Variants in AGBL3 observed in about 807,000 individuals in gnomAD.
The protein encoded by AGBL3 is cytosolic carboxypeptidase 3.
AGBL3 carries 68 observed loss-of-function variants against 94.5 expected under a neutral mutation model. The ratio of observed to expected loss-of-function variants is 0.72; its 90% CI spans 0.59 to 0.88. The LOEUF is 0.88. AGBL3 is among the 40% of genes least tolerant of loss of function. AGBL3 has a pLI of 0.00. For missense variants in AGBL3, 934 were observed against 1,103.8 expected, an observed-to-expected ratio of 0.85 and a Z score of 2.18; for synonymous variants, 354 against 370.7, an observed-to-expected ratio of 0.95 and a Z score of 0.52.
chr7:135,071,485 C>T (rs888675664), intron 12 of AGBL3, among the ~76,000 whole-genome samples: 2 of 152,026 alleles, frequency 1.3e-5, no homozygotes, highest in Admixed American at 6.6e-5. Context: ...CAAAGCTGGA[C>T]GCATCACACT....
intron 16 of AGBL3, chr7:135,128,639 C>G (rs1828293368): frequency 1.1e-6 from 1 of 878,796 alleles, no homozygotes; most frequent in Admixed American, 1.8e-5. Context: ...TCCCGTTTGC[C>G]TGGATGCAAT....
chr7:135,126,286 T>C (rs1322605087), intron 16 of AGBL3, among the ~76,000 whole-genome samples: 3 of 152,126 alleles, frequency 2.0e-5, no homozygotes, highest in Admixed American at 6.6e-5. Flanking sequence ...TGAACTCCCA[T>C]TCACGATTGC....
intron 4 of AGBL3, among the ~76,000 whole-genome samples, chr7:135,016,718 G>A (rs538185659): frequency 4.6e-5 from 7 of 152,266 alleles, no homozygotes; most frequent in African/African-American, 9.6e-5. Context: ...ATAAAAGGTA[G>A]AGTAAGATTT....
rs1409089874 is a variant in AGBL3 at position 135,096,580 on chromosome 7, G to C, written c.2110+14790G>C. On this transcript the variant is annotated intron_variant, in intron 15 of 16. Coordinates refer to ENST00000436302, the MANE Select transcript of AGBL3 (RefSeq NM_178563.4). ...AGAAAGATAGATAGATAGATAGATAGATACATAGATAGATAGATAGATAGA... is the reference window on the plus strand; with the variant it reads ...AGAAAGATAGATAGATAGATAGATACATACATAGATAGATAGATAGATAGA... Among the ~76,000 whole-genome samples the C allele has an allele frequency of 3.1e-4, 10 of 32,314 alleles. 1 individual carries two copies. The highest frequency in any genetic ancestry group is 7.8e-4 in the East Asian group (2 of 2,570). The allele number at this position is 32,314 out of a possible 152,430, so 21.2% of individuals were successfully genotyped here. A position where few individuals can be genotyped will look rare whatever the true frequency, so the allele number is the denominator to read the frequency against.
At chr7:135,090,284 AGAGGG>A (rs1286900530) in intron 15 of AGBL3, among the ~76,000 whole-genome samples, 1 of 152,120 alleles carries the variant, frequency 6.6e-6, no homozygotes, top group East Asian at 1.9e-4. Flanking sequence ...TCTGGGCCCT[AGAGGG>A]CCCAGCAGAG....
chr7:135,014,569 T>C lies in AGBL3; in HGVS notation c.311-2483T>C, dbSNP rs567383831. ...TATCCTTACCAACTACTTAGGCTTT[T>C]ACATCTGCTATACTGATGGTTAGGA... On this transcript the variant is annotated intron_variant, in intron 4 of 16. Transcript: ENST00000436302. Among the ~76,000 whole-genome samples, 3 of 152,368 alleles carry C rather than the reference T, an allele frequency of 2.0e-5. No individual in the cohort carries two copies. The South Asian group carries it at 6.2e-4, about 32-fold the overall frequency.
rs546993775 is a variant in AGBL3, at chr7:135,123,617, G to GA, written c.2342+8012dup. The stretch of plus-strand genomic sequence containing the variant: ...CAGATTCTCTAAGGTCAAAATGAAG[G>GA]AAAAAATGTTAAGGGCAGCCAGAGA... On this transcript the variant is annotated intron_variant, in intron 16 of 16. Transcript: ENST00000436302. 2.6e-5 allele frequency among the ~76,000 whole-genome samples: 4 copies of GA among 152,156 alleles called. No homozygotes were observed. In the South Asian group the frequency reaches 6.2e-4, roughly 24 times the overall value.
chr7:135,115,274 G>T, intron 15 of AGBL3, 106 bp from the exon 16 acceptor site: 3 of 681,402 alleles, frequency 4.4e-6, no homozygotes, highest in Non-Finnish European at 4.9e-6. Flanking sequence ...ACAAGCTTCA[G>T]ATGGGCAAGG....
In AGBL3 at chr7:135,034,443, T is replaced by A. The variant is rs1188328906; in HGVS notation, c.852T>A (p.Phe284Leu). The part of the protein sequence containing the change: ...GRHYFSLTWT[F>L]QFPHNKDTCY... ...ATTATTTCTCTCTTACATGGACATT[T>A]CAATTTCCACACAACAAAGATACCT... is the stretch of plus-strand genomic sequence containing the variant. Residue 284 changes from phenylalanine to leucine, a missense_variant, in exon 7 of 17, where the codon TTT (phenylalanine) becomes TTA (leucine). This residue lies in a region of AGBL3 where 488 missense variants were observed against 563.6 expected (regional missense o/e 0.87). Coordinates refer to ENST00000436302, the MANE Select transcript of AGBL3 (RefSeq NM_178563.4). 1.9e-6 allele frequency: 3 copies of A among 1,551,630 alleles called. No homozygotes were observed. Among genetic ancestry groups the A allele is most frequent in the African/African-American group, 2.7e-5 (2 of 73,052 alleles).
At chr7:135,105,227 G>A (rs374666313) in intron 15 of AGBL3, among the ~76,000 whole-genome samples, 29 of 152,010 alleles carry the variant, frequency 1.9e-4, no homozygotes, top group South Asian at 6.2e-4. Context: ...CCACCACCAC[G>A]TCTGGCTAAT....
At chr7:135,060,863 G>A (rs1358647730) in intron 12 of AGBL3, among the ~76,000 whole-genome samples, 2 of 152,128 alleles carry the variant, frequency 1.3e-5, no homozygotes. Context: ...GACCATGGGA[G>A]TGCAATATCT....
chr7:135,013,309 T>C (rs1813382946), intron 4 of AGBL3, among the ~76,000 whole-genome samples: 1 of 152,198 alleles, frequency 6.6e-6, no homozygotes, highest in Non-Finnish European at 1.5e-5. Flanking sequence ...TTGGTGGGAA[T>C]GTAAAATTGC....
chr7:135,063,172 T>C (rs1435013091), intron 12 of AGBL3, among the ~76,000 whole-genome samples: 1 of 152,162 alleles, frequency 6.6e-6, no homozygotes, highest in Non-Finnish European at 1.5e-5. Context: ...TGGTAGTCTT[T>C]TATGATCCTA....
At position 135,032,829 on chromosome 7, in the gene AGBL3, T is replaced by A. The variant is rs1409360864; in HGVS notation, c.419-15T>A. The A allele has an allele frequency of 4.5e-6, 7 of 1,538,958 alleles. No homozygotes were observed. In the East Asian group the frequency reaches 1.7e-4, roughly 38 times the overall value. On this transcript the variant is annotated splice_polypyrimidine_tract_variant and intron_variant, in intron 5 of 16. Transcript: ENST00000436302. The stretch of plus-strand genomic sequence containing the variant: ...GGTATACCTTGACATCTTTATGATC[T>A]TCTTCTCTCATCAGCTTACAAAGAG...
At chr7:135,014,845 C>T (rs1212759465) in intron 4 of AGBL3, among the ~76,000 whole-genome samples, 6 of 152,190 alleles carry the variant, frequency 3.9e-5, no homozygotes, top group Admixed American at 3.9e-4. Context: ...CTTCTGGGAA[C>T]ATGACTTTGA....
intron 16 of AGBL3, among the ~76,000 whole-genome samples, chr7:135,128,158 G>A (rs1370662658): frequency 6.6e-6 from 1 of 151,752 alleles, no homozygotes; most frequent in Non-Finnish European, 1.5e-5. Context: ...CAGGTGTGGT[G>A]GTGAGTGCCT....
chr7:135,002,680 C>G (rs961552875), intron 4 of AGBL3, among the ~76,000 whole-genome samples: 2 of 152,196 alleles, frequency 1.3e-5, no homozygotes, highest in African/African-American at 4.8e-5. Context: ...TTTGGATATA[C>G]AGGGTTTGGA....
intron 11 of AGBL3, among the ~76,000 whole-genome samples, chr7:135,054,684 G>A (rs1479155184): frequency 6.6e-6 from 1 of 152,094 alleles, no homozygotes; most frequent in East Asian, 1.9e-4. Context: ...ATTAAAATAT[G>A]CTTAAAAACA....
Position 135,080,202 on chromosome 7 carries a change from G to C in AGBL3, c.1981-1G>C. 1 of 1,544,292 alleles carries C rather than the reference G, an allele frequency of 6.5e-7. No individual in the cohort carries two copies. The highest frequency in any genetic ancestry group is 8.8e-7 in the Non-Finnish European group (1 of 1,140,904). ...TTTTCTTTGATTCTACATTCCATTA[G>C]GTTTATGATAGAGGGCATTTGCTGC... On this transcript the variant is annotated splice_acceptor_variant, in intron 13 of 16. Coordinates refer to ENST00000436302, the MANE Select transcript of AGBL3 (RefSeq NM_178563.4). LOFTEE classifies it high-confidence loss of function.
Sources: gnomAD v4.1 joint callset for allele counts (sites outside exome capture counted in the v4.1 genomes callset) on GRCh38, gnomAD v4.1.1 for gene constraint, gnomAD v4.1.1 regional missense constraint, MANE v1.5 for transcripts, NCBI Gene and HGNC (gene_info 2026-07-23, HGNC 2026-07-21) for gene names.